ZNF512: variants seen among roughly 807,000 people sequenced by gnomAD.
The protein encoded by ZNF512 is zinc finger protein 512.
Under a neutral mutation model 77.5 loss-of-function variants are expected in ZNF512, and 25 were observed. That is an observed-to-expected ratio of 0.32 (90% CI 0.23 to 0.45). The LOEUF (loss-of-function observed/expected upper bound fraction) is 0.45. Ranked by LOEUF, ZNF512 falls within the 20% of genes least tolerant of loss-of-function variation. ZNF512 has a pLI of 1.00. For missense variants in ZNF512, 483 were observed against 692.6 expected (o/e 0.70, Z 3.40); for synonymous variants, 246 against 239.9 (o/e 1.03, Z -0.24).
chr2:27,610,510 A>ATG (rs1672576070), intron 10 of ZNF512, among the ~76,000 whole-genome samples: 1 of 125,580 alleles, frequency 8.0e-6, no homozygotes, highest in South Asian at 2.6e-4. Flanking sequence ...GTGTATATAT[A>ATG]TGTGTGTATA....
rs756496529 is a variant in ZNF512, at chr2:27,583,077, C to G, written c.-36C>G. ...GGAAGTGGCGTTGGTCTGGCCGGAG[C>G]CCTTGGGTGAAATTGTTAGGCGTGG... On this transcript the variant is annotated 5_prime_UTR_variant, in exon 1 of 14. Transcript: ENST00000355467. 1.2e-6 allele frequency: 2 copies of G among 1,613,970 alleles called. No homozygotes were observed. Among genetic ancestry groups the G allele is most frequent in the Non-Finnish European group, 1.7e-6 (2 of 1,179,886 alleles).
At chr2:27,599,463 C>A (rs941510380) in intron 3 of ZNF512, 120 bp from the exon 4 acceptor site, 1 of 699,010 alleles carries the variant, frequency 1.4e-6, no homozygotes, top group Non-Finnish European at 2.5e-6. Context: ...TTCTCTGAGG[C>A]CTGTGTTCAC....
At chr2:27,608,688 T>C (rs1672473780) in intron 10 of ZNF512, among the ~76,000 whole-genome samples, 1 of 152,100 alleles carries the variant, frequency 6.6e-6, no homozygotes, top group Non-Finnish European at 1.5e-5. Flanking sequence ...TCGGATAGTC[T>C]TGGGAACAGG....
chr2:27,595,906 T>C (rs1415994347), intron 2 of ZNF512, among the ~76,000 whole-genome samples: 4 of 152,218 alleles, frequency 2.6e-5, no homozygotes, highest in African/African-American at 9.6e-5. Flanking sequence ...CATGTTTTGG[T>C]CATTTGTTCC....
intron 10 of ZNF512, among the ~76,000 whole-genome samples, chr2:27,608,980 G>T (rs1055509133): frequency 1.4e-4 from 22 of 151,770 alleles, no homozygotes; most frequent in South Asian, 8.3e-4. Flanking sequence ...GTGGTGGCAG[G>T]TGCCTGTAAT....
At position 27,603,009 on chromosome 2, in the gene ZNF512, TG is replaced by T. The variant is rs535476966; in HGVS notation, c.769-129del. 35 of 1,004,158 alleles carry T rather than the reference TG, an allele frequency of 3.5e-5. No homozygotes were observed. The South Asian group carries it at 5.0e-4, about 14-fold the overall frequency. The allele number at this position is 1,004,158 out of a possible 1,614,324, so 62.2% of individuals were successfully genotyped here. ...GAAGGGTTGTGCTGATGGGAGATGT[TG>T]GAGAGGGTCTACTGAAATCAGAGGG... On this transcript the variant is annotated intron_variant, in intron 8 of 13. Transcript: ENST00000355467.
chr2:27,610,669 C>T (rs527614598), intron 10 of ZNF512, among the ~76,000 whole-genome samples: 2 of 141,480 alleles, frequency 1.4e-5, no homozygotes, highest in South Asian at 2.4e-4. Context: ...CATCCTCTGC[C>T]TCCCAGGTTC....
intron 9 of ZNF512, among the ~76,000 whole-genome samples, chr2:27,605,227 G>A (rs374259941): frequency 6.6e-6 from 1 of 152,242 alleles, no homozygotes; most frequent in Admixed American, 6.5e-5. Flanking sequence ...GCTGATGCAG[G>A]TGGATTGCTT....
chr2:27,608,806 T>C (rs1454560333), intron 10 of ZNF512, among the ~76,000 whole-genome samples: 2 of 151,912 alleles, frequency 1.3e-5, no homozygotes, highest in East Asian at 3.9e-4. Flanking sequence ...GTGAGAGGAA[T>C]GTTATGTCTT....
At chr2:27,594,443 C>T (rs1671754221) in intron 2 of ZNF512, among the ~76,000 whole-genome samples, 1 of 145,242 alleles carries the variant, frequency 6.9e-6, no homozygotes, top group Admixed American at 6.9e-5. Flanking sequence ...AGACGCTCCT[C>T]ACCTCCCAGA....
At chr2:27,600,899 A>G in intron 6 of ZNF512, 84 bp downstream of exon 6, 1 of 1,491,106 alleles carries the variant, frequency 6.7e-7, no homozygotes, top group Non-Finnish European at 9.0e-7. Context: ...TATGCTGGTT[A>G]TAATGGATGA....
At chr2:27,611,786 C>T (rs1252537237) in intron 10 of ZNF512, among the ~76,000 whole-genome samples, 1 of 151,812 alleles carries the variant, frequency 6.6e-6, no homozygotes, top group Non-Finnish European at 1.5e-5. Flanking sequence ...CAACCTCCGC[C>T]TCCCGGGTTC....
chr2:27,601,309 G>A, intron 6 of ZNF512, 47 bp from the exon 7 acceptor site: 2 of 1,410,840 alleles, frequency 1.4e-6, no homozygotes, highest in Non-Finnish European at 2.0e-6. Context: ...ATGACATTCT[G>A]TTTCTCTGTG....
intron 2 of ZNF512, among the ~76,000 whole-genome samples, chr2:27,592,996 ATTC>A (rs1264328423): frequency 1.3e-5 from 2 of 151,572 alleles, no homozygotes; most frequent in African/African-American, 4.8e-5. Flanking sequence ...ATACATTTAT[ATTC>A]TTTTTCTTTT....
At chr2:27,594,537 G>A (rs1390653653) in intron 2 of ZNF512, among the ~76,000 whole-genome samples, 4 of 148,848 alleles carry the variant, frequency 2.7e-5, no homozygotes, top group Admixed American at 1.3e-4. Flanking sequence ...CAGACAGGGC[G>A]GCCGGGCAGA....
chr2:27,608,937 C>T (rs904197979), intron 10 of ZNF512, among the ~76,000 whole-genome samples: 15 of 151,854 alleles, frequency 9.9e-5, no homozygotes, highest in Admixed American at 7.9e-4. Context: ...GGTGAAACCC[C>T]CTCTCTACTA....
intron 2 of ZNF512, among the ~76,000 whole-genome samples, chr2:27,593,782 CTT>C (rs768572545): frequency 7.4e-6 from 1 of 134,500 alleles, no homozygotes. Flanking sequence ...TTCTTTCTTT[CTT>C]TTTTTTTTTT....
chr2:27,601,086 A>G (rs149199381), intron 6 of ZNF512, among the ~76,000 whole-genome samples: 5 of 152,366 alleles, frequency 3.3e-5, no homozygotes, highest in African/African-American at 1.2e-4. Context: ...TATGTAGTCC[A>G]TGAGAGGATA....
intron 2 of ZNF512, among the ~76,000 whole-genome samples, chr2:27,586,522 G>T (rs948534956): frequency 2.0e-5 from 3 of 152,140 alleles, no homozygotes; most frequent in Non-Finnish European, 4.4e-5. Flanking sequence ...GAGCCACTGC[G>T]CCTGTCCCAT....
Sources: gnomAD v4.1 joint callset for allele counts (sites outside exome capture counted in the v4.1 genomes callset) on GRCh38, gnomAD v4.1.1 for gene constraint, MANE v1.5 for transcripts, NCBI Gene and HGNC (gene_info 2026-07-23, HGNC 2026-07-21) for gene names.